Variants in TCF25 observed in about 807,000 individuals in gnomAD.
TCF25 encodes ribosome quality control complex subunit TCF25.
A neutral mutation model predicts 83.1 loss-of-function variants in TCF25; 41 were observed. The ratio of observed to expected loss-of-function variants is 0.49; its 90% CI spans 0.38 to 0.64. The LOEUF is 0.64. Ranked by LOEUF, TCF25 falls within the 30% of genes least tolerant of loss-of-function variation. The probability of loss-of-function intolerance (pLI) is 0.00; values close to 1 mark genes in which losing one functional copy is unlikely to be tolerated. For synonymous variants in TCF25, 458 were observed against 365.0 expected (o/e 1.25, Z -2.90); for missense variants, 979 against 914.5 (o/e 1.07, Z -0.91).
intron 16 of TCF25, among the ~76,000 whole-genome samples, chr16:89,907,682 A>AGCTCCCC (rs2045015070): frequency 6.3e-5 from 1 of 16,000 alleles, no homozygotes. Flanking sequence ...CCCACCTCCC[A>AGCTCCCC]CCTCCCTCCT....
In TCF25 at chr16:89,905,030, A is replaced by G. The variant is rs1323373280; in HGVS notation, c.1562A>G (p.Glu521Gly). ...KEPATMSWLEENVHEVLQAVD... is the reference protein window; with the variant it reads ...KEPATMSWLEGNVHEVLQAVD... ...CCCGCCACCATGAGCTGGCTGGAGG[A>G]GAACGTCCACGAGGTTCTGCAAGCA... The change falls in exon 14 of 18, where the codon GAG becomes GGG. Residue 521 changes from glutamate (E) to glycine (G), a missense_variant. Glu to Gly is a moderately conservative substitution (Grantham distance 98). Transcript: ENST00000263346. 1 of 1,603,100 alleles carries G rather than the reference A, an allele frequency of 6.2e-7. No individual in the cohort carries two copies. Among genetic ancestry groups the G allele is most frequent in the East Asian group, 2.3e-5 (1 of 44,396 alleles).
chr16:89,883,325 G>C (rs757881719), intron 1 of TCF25, 26 bp from the exon 2 acceptor site: 6 of 1,610,682 alleles, frequency 3.7e-6, no homozygotes, highest in Non-Finnish European at 5.1e-6. Context: ...GTAACGCCCT[G>C]GCTCTTCTCC....
chr16:89,905,179 G>A (rs1425420013), intron 14 of TCF25, 83 bp downstream of exon 14: 2 of 1,456,924 alleles, frequency 1.4e-6, no homozygotes, highest in Middle Eastern at 2.4e-4. Flanking sequence ...GCATTCGGGA[G>A]GCGAGAAGGG....
chr16:89,898,991 G>A lies in TCF25; in HGVS notation c.1221+119G>A, dbSNP rs2044109471. The stretch of plus-strand genomic sequence containing the variant: ...TGGGGATGAAACGATAATCGTCTGA[G>A]GGCAGAACCACGTCCTCCTGCCTTG... On this transcript the variant is annotated intron_variant, in intron 11 of 17. Coordinates refer to ENST00000263346, the MANE Select transcript of TCF25 (RefSeq NM_014972.3). 4 of 969,970 alleles carry A rather than the reference G, an allele frequency of 4.1e-6. No homozygotes were observed. The East Asian group carries it at 1.1e-4, about 25-fold the overall frequency. The allele number at this position is 969,970 out of a possible 1,614,324, so 60.1% of individuals were successfully genotyped here.
At chr16:89,909,241 G>C (rs2045339240) in intron 16 of TCF25, 3 of 976,888 alleles carry the variant, frequency 3.1e-6, no homozygotes, top group Non-Finnish European at 4.1e-6. Context: ...GCTGGGTGCA[G>C]TGACTCACGC....
At chr16:89,878,778 C>G (rs1320838109) in intron 1 of TCF25, among the ~76,000 whole-genome samples, 1 of 152,134 alleles carries the variant, frequency 6.6e-6, no homozygotes, top group African/African-American at 2.4e-5. Flanking sequence ...GTAGCTGGGA[C>G]TACAGGCGCC....
chr16:89,898,060 G>A (rs963834991), intron 9 of TCF25, among the ~76,000 whole-genome samples: 4 of 150,840 alleles, frequency 2.7e-5, no homozygotes, highest in Non-Finnish European at 5.9e-5. Context: ...GCCGAGCCGA[G>A]ATAGCGCCAC....
At chr16:89,899,067 A>G (rs1445780517) in intron 11 of TCF25, among the ~76,000 whole-genome samples, 195 bp downstream of exon 11, 1 of 152,236 alleles carries the variant, frequency 6.6e-6, no homozygotes, top group Non-Finnish European at 1.5e-5. Context: ...TCCTAGGGAC[A>G]GTACAGCAGC....
intron 16 of TCF25, among the ~76,000 whole-genome samples, chr16:89,907,910 C>G (rs1475133307): frequency 1.5e-5 from 2 of 135,850 alleles, no homozygotes; most frequent in Non-Finnish European, 3.1e-5. Flanking sequence ...TCCCACCTCC[C>G]AGCTCCTGCC....
intron 12 of TCF25, among the ~76,000 whole-genome samples, chr16:89,901,538 G>C (rs1458330456): frequency 3.0e-5 from 4 of 133,798 alleles, no homozygotes; most frequent in Admixed American, 2.2e-4. Flanking sequence ...GAGGTCAGGA[G>C]ATCGAGACCA....
At chr16:89,903,903 T>A (rs2044556632) in intron 12 of TCF25, among the ~76,000 whole-genome samples, 1 of 152,068 alleles carries the variant, frequency 6.6e-6, no homozygotes, top group Admixed American at 6.5e-5. Flanking sequence ...TCCTTGGGGC[T>A]GGTGTGAAGG....
At chr16:89,897,731 T>C (rs2043974762) in intron 9 of TCF25, among the ~76,000 whole-genome samples, 1 of 152,198 alleles carries the variant, frequency 6.6e-6, no homozygotes, top group African/African-American at 2.4e-5. Flanking sequence ...TGTTAGCCAC[T>C]GTTGAGATTG....
chr16:89,894,213 C>T (rs1413599356), intron 7 of TCF25, among the ~76,000 whole-genome samples: 1 of 151,514 alleles, frequency 6.6e-6, no homozygotes, highest in Non-Finnish European at 1.5e-5. Context: ...AGATTCCCGG[C>T]CCCCGTGCAG....
At chr16:89,897,357 C>T (rs2043944276) in intron 9 of TCF25, among the ~76,000 whole-genome samples, 1 of 152,380 alleles carries the variant, frequency 6.6e-6, no homozygotes, top group African/African-American at 2.4e-5. Flanking sequence ...GTCCTGTGGG[C>T]CCTTTGTGGA....
In TCF25 at chr16:89,873,780, G is replaced by T. The variant is rs766306758; in HGVS notation, c.113G>T (p.Gly38Val). ...GATGACGATGACGCGGAAGAAGAAG[G>T]GCCCAAGCGGGAGCTTGGTGTCCGG... Reference protein sequence around the residue: ...LRDDDDAEEEGPKRELGVRRP... With the variant: ...LRDDDDAEEEVPKRELGVRRP... The change falls in exon 1 of 18, where the codon GGG (glycine) becomes GTG (valine). Residue 38 changes from glycine to valine, a missense_variant. Transcript: ENST00000263346. The T allele has an allele frequency of 1.9e-6, 3 of 1,609,036 alleles. No homozygotes were observed. The East Asian group carries it at 6.7e-5, about 36-fold the overall frequency.
Position 89,911,183 on chromosome 16 carries a change from A to G in TCF25, c.1976A>G (p.Asn659Ser). The G allele has an allele frequency of 6.2e-7, 1 of 1,612,350 alleles. No homozygotes were observed. The highest frequency in any genetic ancestry group is 8.5e-7 in the Non-Finnish European group (1 of 1,179,944). ...VRDMMANFHL[N>S]DLEAPHEDDA... The stretch of plus-strand genomic sequence containing the variant: ...GACATGATGGCCAACTTCCACCTCA[A>G]CGACCTGGAGGCGCCGCACGAGGAC... Residue 659 changes from asparagine to serine, a missense_variant, in exon 18 of 18, where the codon AAC becomes AGC. By Grantham distance (46) the Asn-to-Ser change is conservative. Coordinates refer to ENST00000263346, the MANE Select transcript of TCF25 (RefSeq NM_014972.3).
Position 89,873,673 on chromosome 16 carries a change from G to A in TCF25, c.6G>A (p.Ser2=), listed in dbSNP as rs773804363. 1.3e-6 allele frequency: 2 copies of A among 1,595,834 alleles called. No individual in the cohort carries two copies. The highest frequency in any genetic ancestry group is 1.7e-6 in the Non-Finnish European group (2 of 1,174,394). M[S]RRALRRLRGE... is the part of the protein sequence containing the mutation. ...CGTCGTGGTCGTTCGGTCCTATGTC[G>A]CGCCGGGCCCTCCGGAGGCTGAGGG... Residue 2 remains serine (S), a synonymous_variant, in exon 1 of 18, where the codon TCG becomes TCA. Transcript: ENST00000263346.
At chr16:89,879,259 T>C (rs937369418) in intron 1 of TCF25, among the ~76,000 whole-genome samples, 1 of 147,694 alleles carries the variant, frequency 6.8e-6, no homozygotes, top group East Asian at 2.0e-4. Context: ...ACAGATGGGC[T>C]TCGGGGCCTG....
chr16:89,874,852 A>G (rs1346990368), intron 1 of TCF25: 1 of 151,286 alleles, frequency 6.6e-6, no homozygotes. Flanking sequence ...GCGCTCAAAC[A>G]ATCTGTCCAC....
Sources: gnomAD v4.1 joint callset for allele counts (sites outside exome capture counted in the v4.1 genomes callset) on GRCh38, gnomAD v4.1.1 for gene constraint, MANE v1.5 for transcripts, NCBI Gene and HGNC (gene_info 2026-07-23, HGNC 2026-07-21) for gene names.